Variants in GABRB3 observed in about 807,000 individuals in gnomAD.
GABRB3 encodes the protein gamma-aminobutyric acid type A receptor subunit beta3.
Under a neutral mutation model 52.1 loss-of-function variants are expected in GABRB3, and 14 were observed. The observed-to-expected ratio is 0.27, with a 90% CI of 0.18 to 0.42. The LOEUF is 0.42. GABRB3 is among the 10% of genes least tolerant of loss of function. The probability of loss-of-function intolerance (pLI) is 1.00; values close to 1 mark genes in which losing one functional copy is unlikely to be tolerated. For missense variants in GABRB3, 307 were observed against 609.1 expected (o/e 0.50, Z 5.22); for synonymous variants, 260 against 232.3 (o/e 1.12, Z -1.08).
chr15:26,586,425 C>CACACACACACACAT (rs1555368912), intron 4 of GABRB3, among the ~76,000 whole-genome samples: 1 of 151,430 alleles, frequency 6.6e-6, no homozygotes, highest in Non-Finnish European at 1.5e-5. Flanking sequence ...CACACACACA[C>CACACACACACACAT]GCATACATAC....
Position 26,548,081 on chromosome 15 carries a change from C to G in GABRB3, c.1134G>C (p.Met378Ile). 1.9e-6 allele frequency: 3 copies of G among 1,614,160 alleles called. No individual in the cohort carries two copies. The highest frequency in any genetic ancestry group is 2.5e-6 in the Non-Finnish European group (3 of 1,180,032). The change falls in exon 9 of 9, where the codon ATG becomes ATC. Residue 378 changes from methionine (M) to isoleucine (I), a missense_variant. Physicochemically the swap from Met to Ile is conservative, Grantham distance 10 (BLOSUM62 1). Around this residue, in one of 6 missense-constraint regions of GABRB3, gnomAD observed 115 missense variants for 166.9 expected, o/e 0.69. Transcript: ENST00000311550. ...CGCCAATGCCGCCTGAGACCTCATT[C>G]ATTTCATTGTGAACTTCCAGCGATG... ...LLTSLEVHNE[M>I]NEVSGGIGDT... is the part of the protein sequence containing the mutation.
chr15:26,656,188 A>T (rs1055099733), intron 3 of GABRB3, among the ~76,000 whole-genome samples: 1 of 152,128 alleles, frequency 6.6e-6, no homozygotes, highest in Non-Finnish European at 1.5e-5. Flanking sequence ...CTCTCAGCAG[A>T]ACTCACCTGC....
intron 7 of GABRB3, among the ~76,000 whole-genome samples, chr15:26,565,168 T>TTGATGATGATGATGATGA (rs75317901): frequency 2.0e-5 from 3 of 150,978 alleles, no homozygotes; most frequent in African/African-American, 7.3e-5. Flanking sequence ...GTCTGTTGTA[T>TTGATGATGATGATGATGA]TGATGATGAT....
At chr15:26,643,190 C>A (rs1292049664) in intron 3 of GABRB3, among the ~76,000 whole-genome samples, 2 of 152,248 alleles carry the variant, frequency 1.3e-5, no homozygotes, top group African/African-American at 4.8e-5. Flanking sequence ...CACCACAGGC[C>A]CTATATGACA....
chr15:26,666,530 A>G (rs1206134477), intron 3 of GABRB3: 1 of 152,226 alleles, frequency 6.6e-6, no homozygotes, highest in Non-Finnish European at 1.5e-5. Context: ...ACTACAGGTG[A>G]ACATGGAAGG....
chr15:26,705,228 C>T (rs1889061036), intron 3 of GABRB3, among the ~76,000 whole-genome samples: 1 of 152,192 alleles, frequency 6.6e-6, no homozygotes, highest in African/African-American at 2.4e-5. Flanking sequence ...CCTCACATTG[C>T]AAAAGGCAGA....
At chr15:26,664,689 TC>T (rs1887649056) in intron 3 of GABRB3, among the ~76,000 whole-genome samples, 1 of 144,974 alleles carries the variant, frequency 6.9e-6, no homozygotes, top group Admixed American at 7.4e-5. Flanking sequence ...CCTTATCATT[TC>T]TTTTCTTTTC....
chr15:26,547,547 ATGTG>A lies in GABRB3; in HGVS notation c.*242_*245del, dbSNP rs1889302766. The A allele has an allele frequency of 1.7e-6, 1 of 585,658 alleles. No individual in the cohort carries two copies. Among genetic ancestry groups the A allele is most frequent in the African/African-American group, 1.9e-5 (1 of 53,862 alleles). The allele number at this position is 585,658 out of a possible 1,614,324, so 36.3% of individuals were successfully genotyped here. A position where few individuals can be genotyped will look rare whatever the true frequency, so the allele number is the denominator to read the frequency against. On this transcript the variant is annotated 3_prime_UTR_variant, in exon 9 of 9. Transcript: ENST00000311550. ...CCATAGCTGCAAAATGTATATATGT[ATGTG>A]TATTTGTCTTCCATACACATGGGCA...
At chr15:26,565,372 A>G (rs928881800) in intron 7 of GABRB3, among the ~76,000 whole-genome samples, 1 of 152,102 alleles carries the variant, frequency 6.6e-6, no homozygotes, top group Non-Finnish European at 1.5e-5. Flanking sequence ...GGCCAGACCC[A>G]CAGCCCTAAG....
intron 4 of GABRB3, among the ~76,000 whole-genome samples, chr15:26,607,298 C>G (rs1203181425): frequency 6.6e-6 from 1 of 152,080 alleles, no homozygotes; most frequent in Non-Finnish European, 1.5e-5. Flanking sequence ...ACAGACTCCA[C>G]CAAAGAACTG....
At chr15:26,685,266 G>A (rs1213019179) in intron 3 of GABRB3, among the ~76,000 whole-genome samples, 2 of 152,202 alleles carry the variant, frequency 1.3e-5, no homozygotes, top group African/African-American at 4.8e-5. Flanking sequence ...CTCAGTGTCT[G>A]CTTACAGGGG....
intron 3 of GABRB3, among the ~76,000 whole-genome samples, chr15:26,632,784 T>C (rs1483513858): frequency 2.6e-5 from 4 of 152,188 alleles, no homozygotes; most frequent in Admixed American, 2.6e-4. Flanking sequence ...AGCAACCTCT[T>C]GTGTAAAAAT....
chr15:26,755,883 G>C (rs1890645931), intron 3 of GABRB3, among the ~76,000 whole-genome samples: 1 of 152,126 alleles, frequency 6.6e-6, no homozygotes, highest in Non-Finnish European at 1.5e-5. Flanking sequence ...AACCAAATCA[G>C]AGCAAGTAAT....
chr15:26,621,541 G>A lies in GABRB3; in HGVS notation c.241-7C>T, dbSNP rs1595490139. 1 of 1,606,462 alleles carries A rather than the reference G, an allele frequency of 6.2e-7. No homozygotes were observed. Among genetic ancestry groups the A allele is most frequent in the Non-Finnish European group, 8.5e-7 (1 of 1,173,464 alleles). ...ACATGGTTAAGGTATAATCCTGGGG[G>A]GAAAAGAAAAGAAAGAAAGTTAGTT... On this transcript the variant is annotated splice_polypyrimidine_tract_variant and splice_region_variant and intron_variant, in intron 3 of 8. Transcript: ENST00000311550. This position sits in a 1 kb window ranked among gnomAD's most constrained non-coding sequence, Gnocchi z 4.1.
At chr15:26,765,143 A>AAAAC (rs1890961989) in intron 3 of GABRB3, among the ~76,000 whole-genome samples, 1 of 151,636 alleles carries the variant, frequency 6.6e-6, no homozygotes. Context: ...AAAAAAAAAA[A>AAAAC]AAGTCAAAAC....
intron 4 of GABRB3, among the ~76,000 whole-genome samples, chr15:26,584,836 T>C (rs1330521236): frequency 2.0e-5 from 3 of 152,148 alleles, no homozygotes; most frequent in African/African-American, 4.8e-5. Flanking sequence ...GTGACTGGAC[T>C]GTGGTGGGTT....
chr15:26,601,365 G>A (rs190683752), intron 4 of GABRB3, among the ~76,000 whole-genome samples: 78 of 151,858 alleles, frequency 5.1e-4, no homozygotes, highest in Non-Finnish European at 7.7e-4. Context: ...AGCTGAGATC[G>A]CGCCACTGCT....
intron 4 of GABRB3, among the ~76,000 whole-genome samples, chr15:26,609,083 TACACAC>T (rs146501591): frequency 7.0e-6 from 1 of 143,544 alleles, no homozygotes; most frequent in African/African-American, 2.6e-5. Flanking sequence ...TTTTTAATGA[TACACAC>T]ACACACACAC....
At chr15:26,616,162 G>A in intron 4 of GABRB3, 1 of 1,095,602 alleles carries the variant, frequency 9.1e-7, no homozygotes, top group Non-Finnish European at 1.2e-6. Context: ...AAAAGACACG[G>A]GAGGGAAGGT....
Sources: gnomAD v4.1 joint callset for allele counts (sites outside exome capture counted in the v4.1 genomes callset) on GRCh38, gnomAD v4.1.1 for gene constraint, gnomAD v4.1.1 regional missense constraint, Gnocchi (gnomAD v3.1) non-coding constraint, MANE v1.5 for transcripts, NCBI Gene and HGNC (gene_info 2026-07-23, HGNC 2026-07-21) for gene names.